The following KPNA4 variants were observed in gnomAD, a reference collection of about 807,000 sequenced individuals.
The protein encoded by KPNA4 is importin subunit alpha-3.
A neutral mutation model predicts 71.3 loss-of-function variants in KPNA4; 13 were observed. The observed-to-expected ratio is 0.18, with a 90% CI of 0.12 to 0.29. KPNA4 has a LOEUF of 0.29. KPNA4 is among the 10% of genes least tolerant of loss of function. The pLI is 1.00. For synonymous variants in KPNA4, 189 were observed against 195.2 expected (o/e 0.97, Z 0.26); for missense variants, 334 against 603.2 (o/e 0.55, Z 4.67).
intron 5 of KPNA4, among the ~76,000 whole-genome samples, chr3:160,534,006 G>C (rs1721630393): frequency 1.3e-5 from 2 of 152,170 alleles, no homozygotes; most frequent in Non-Finnish European, 2.9e-5. Context: ...ATGGTTCTGA[G>C]ATTTTTCTGC....
chr3:160,513,409 C>T (rs1028984351), intron 13 of KPNA4, among the ~76,000 whole-genome samples: 1 of 150,632 alleles, frequency 6.6e-6, no homozygotes, highest in East Asian at 1.9e-4. Flanking sequence ...GCGCATGCTA[C>T]CACACCAAAC....
rs56941217 is a variant in KPNA4, at chr3:160,551,939, T to TGGGG, written c.69+13271_69+13274dup. On this transcript the variant is annotated intron_variant, in intron 1 of 16. Transcript: ENST00000334256. ...GAAGACTGTTCTTGGTTGTCACAAC[T>TGGGG]GGGGGGGGGGGGGTGATGTGCTACT... Among the ~76,000 whole-genome samples, 20 of 62,156 alleles carry TGGGG rather than the reference T, an allele frequency of 3.2e-4. No individual in the cohort carries two copies. The South Asian group carries it at 3.3e-3, about 10-fold the overall frequency. 40.8% of individuals were successfully genotyped at this position (62,156 alleles called of 152,430 possible). A position where few individuals can be genotyped will look rare whatever the true frequency, so the allele number is the denominator to read the frequency against.
At chr3:160,548,816 T>C (rs557956032) in intron 1 of KPNA4, among the ~76,000 whole-genome samples, 7 of 152,344 alleles carry the variant, frequency 4.6e-5, no homozygotes, top group East Asian at 3.9e-4. Flanking sequence ...AGAAGTGGAA[T>C]TGCTGGGTCA....
In KPNA4 at chr3:160,506,372, G is replaced by A. The variant is rs140112788; in HGVS notation, c.1373-1320C>T. ...TTTAGTAGAGACGGGGTTTCATCAT[G>A]CTGACCAGGCTGGTCTTGAACTTCT... On this transcript the variant is annotated intron_variant, in intron 15 of 16. Transcript: ENST00000334256. Among the ~76,000 whole-genome samples, 10 of 152,202 alleles carry A rather than the reference G, an allele frequency of 6.6e-5. No individual in the cohort carries two copies. In the East Asian group the frequency reaches 1.9e-3, roughly 29 times the overall value.
At chr3:160,561,509 C>T (rs1722245612) in intron 1 of KPNA4, among the ~76,000 whole-genome samples, 1 of 152,156 alleles carries the variant, frequency 6.6e-6, no homozygotes, top group East Asian at 1.9e-4. Context: ...TAAATGGATA[C>T]TGAACATATG....
At chr3:160,527,399 A>C (rs951854225) in intron 8 of KPNA4, among the ~76,000 whole-genome samples, 2 of 152,212 alleles carry the variant, frequency 1.3e-5, no homozygotes, top group African/African-American at 4.8e-5. Flanking sequence ...TTAAATATTT[A>C]ACCAGACTGT....
chr3:160,550,633 G>A (rs1280765768), intron 1 of KPNA4, among the ~76,000 whole-genome samples: 4 of 152,162 alleles, frequency 2.6e-5, no homozygotes, highest in Non-Finnish European at 5.9e-5. Context: ...GTTGTTTGCT[G>A]TGGGCTTTTC....
At chr3:160,504,921 T>G (rs1175773942) in intron 16 of KPNA4, 37 bp downstream of exon 16, 2 of 951,646 alleles carry the variant, frequency 2.1e-6, no homozygotes, top group Admixed American at 5.3e-5. Flanking sequence ...TCTATGTTTA[T>G]ATATAAAATT....
Position 160,509,858 on chromosome 3 carries a change from G to C in KPNA4, c.1151C>G (p.Thr384Ser). ...TATGGCCCAAGCAGCTTCTTTTTGA[G>C]TGCCAAAATCCCCCTGTAAAAAGGC... is the stretch of plus-strand genomic sequence containing the variant. ...IHLLDKGDFG[T>S]QKEAAWAISN... Residue 384 changes from threonine to serine, a missense_variant, in exon 14 of 17, where the codon ACT becomes AGT. Coordinates refer to ENST00000334256, the MANE Select transcript of KPNA4 (RefSeq NM_002268.5). 6 of 1,611,904 alleles carry C rather than the reference G, an allele frequency of 3.7e-6. No individual in the cohort carries two copies. The highest frequency in any genetic ancestry group is 5.1e-6 in the Non-Finnish European group (6 of 1,178,410).
intron 1 of KPNA4, among the ~76,000 whole-genome samples, chr3:160,554,168 T>TA (rs1722092087): frequency 6.6e-6 from 1 of 152,260 alleles, no homozygotes; most frequent in African/African-American, 2.4e-5. Flanking sequence ...ACTCATCTCT[T>TA]ACGTTTTCTA....
At chr3:160,502,784 C>T (rs1720909640) in intron 16 of KPNA4, among the ~76,000 whole-genome samples, 1 of 152,038 alleles carries the variant, frequency 6.6e-6, no homozygotes, top group South Asian at 2.1e-4. Context: ...AGAGAGGATG[C>T]AAAATTTGGT....
Position 160,498,295 on chromosome 3 carries a change from C to G in KPNA4, c.*3809G>C, listed in dbSNP as rs1209735091. On this transcript the variant is annotated 3_prime_UTR_variant, in exon 17 of 17. Transcript: ENST00000334256. The stretch of plus-strand genomic sequence containing the variant: ...CAACCTTGATCCCCAAATAAGCTTG[C>G]TATGATAACTATATAAGGCTATCAC... 6.6e-6 allele frequency: 1 copy of G among 152,168 alleles called. No homozygotes were observed. The highest frequency in any genetic ancestry group is 2.1e-4 in the South Asian group (1 of 4,828). The allele number at this position is 152,168 out of a possible 1,614,324, so 9.4% of individuals were successfully genotyped here. A position where few individuals can be genotyped will look rare whatever the true frequency, so the allele number is the denominator to read the frequency against.
In KPNA4 at chr3:160,500,956, A is replaced by C. The variant is rs1720865200; in HGVS notation, c.*1148T>G. On this transcript the variant is annotated 3_prime_UTR_variant, in exon 17 of 17. Coordinates refer to ENST00000334256, the MANE Select transcript of KPNA4 (RefSeq NM_002268.5). The stretch of plus-strand genomic sequence containing the variant: ...TTCTTCTTCTTTACAGGACTCAACA[A>C]AATCTAAAAATGAACTATGCTGTAG... 1 of 152,584 alleles carries C rather than the reference A, an allele frequency of 6.6e-6. No homozygotes were observed. The highest frequency in any genetic ancestry group is 2.1e-4 in the South Asian group (1 of 4,836). The allele number at this position is 152,584 out of a possible 1,614,324, so 9.5% of individuals were successfully genotyped here.
chr3:160,557,581 T>A (rs866877787), intron 1 of KPNA4, among the ~76,000 whole-genome samples: 3 of 152,340 alleles, frequency 2.0e-5, no homozygotes, highest in Admixed American at 1.3e-4. Flanking sequence ...TTACATTAAG[T>A]TTAAAGTAAA....
intron 11 of KPNA4, among the ~76,000 whole-genome samples, chr3:160,517,863 C>T (rs1009213839): frequency 2.0e-5 from 3 of 152,134 alleles, no homozygotes; most frequent in Non-Finnish European, 2.9e-5. Context: ...AGATGTAAAT[C>T]CCTTTGCCAA....
intron 1 of KPNA4, among the ~76,000 whole-genome samples, chr3:160,561,538 T>C (rs762816255): frequency 6.6e-6 from 1 of 152,060 alleles, no homozygotes; most frequent in Non-Finnish European, 1.5e-5. Context: ...GGTGCGTTTG[T>C]GTTTCAAGAA....
intron 15 of KPNA4, among the ~76,000 whole-genome samples, chr3:160,506,728 G>A (rs979793254): frequency 6.6e-6 from 1 of 152,092 alleles, no homozygotes; most frequent in African/African-American, 2.4e-5. Context: ...AAATCAAGTA[G>A]TAAAAATAAT....
chr3:160,540,405 G>GT (rs1233521474), intron 1 of KPNA4, among the ~76,000 whole-genome samples: 2 of 152,190 alleles, frequency 1.3e-5, no homozygotes, highest in African/African-American at 4.8e-5. Context: ...ACTTAGCACT[G>GT]TAGTAACAAC....
chr3:160,508,003 A>C (rs1721020787), intron 15 of KPNA4, 104 bp downstream of exon 15: 6 of 859,906 alleles, frequency 7.0e-6, no homozygotes, highest in Non-Finnish European at 1.1e-5. Context: ...CTGTTACTTG[A>C]ATATCTAAGA....
Sources: gnomAD v4.1 joint callset for allele counts (sites outside exome capture counted in the v4.1 genomes callset) on GRCh38, gnomAD v4.1.1 for gene constraint, MANE v1.5 for transcripts, NCBI Gene and HGNC (gene_info 2026-07-23, HGNC 2026-07-21) for gene names.